Variants in PARD3 observed in about 807,000 individuals in gnomAD.
The protein encoded by PARD3 is par-3 family cell polarity regulator.
PARD3 carries 75 observed loss-of-function variants against 155.4 expected under a neutral mutation model. The ratio of observed to expected loss-of-function variants is 0.48; its 90% CI spans 0.40 to 0.58. The LOEUF is 0.58. Ranked by LOEUF, PARD3 falls within the 20% of genes least tolerant of loss-of-function variation. The pLI, the probability that PARD3 is intolerant of heterozygous loss-of-function variation, is 0.00. For synonymous variants in PARD3, 576 were observed against 610.5 expected (o/e 0.94, Z 0.83); for missense variants, 1,642 against 1,721.7 (o/e 0.95, Z 0.82).
chr10:34,222,876 A>G (rs890025916), intron 22 of PARD3, among the ~76,000 whole-genome samples: 7 of 151,980 alleles, frequency 4.6e-5, no homozygotes, highest in African/African-American at 1.4e-4. Context: ...CACTCAGGAC[A>G]CTCTCTGCTC....
At chr10:34,579,069 A>AGACCAGCCTG (rs1351975284) in intron 2 of PARD3, among the ~76,000 whole-genome samples, 1 of 152,164 alleles carries the variant, frequency 6.6e-6, no homozygotes, top group African/African-American at 2.4e-5. Flanking sequence ...CAGGAGTTCA[A>AGACCAGCCTG]GACCAGCCTG....
chr10:34,299,122 T>C (rs1477379095), intron 20 of PARD3, among the ~76,000 whole-genome samples: 1 of 152,190 alleles, frequency 6.6e-6, no homozygotes, highest in African/African-American at 2.4e-5. Flanking sequence ...ACTGATTTTG[T>C]CAGGATGGCA....
At chr10:34,339,850 C>T (rs544290768) in intron 16 of PARD3, among the ~76,000 whole-genome samples, 24 of 152,242 alleles carry the variant, frequency 1.6e-4, no homozygotes, top group East Asian at 7.7e-4. Flanking sequence ...ACACAATAAA[C>T]GGTACACTGG....
intron 5 of PARD3, among the ~76,000 whole-genome samples, chr10:34,408,540 T>C (rs973851214): frequency 1.3e-5 from 2 of 152,190 alleles, no homozygotes; most frequent in Non-Finnish European, 2.9e-5. Context: ...TTTCCAAGTC[T>C]CCTAGGTATC....
At chr10:34,267,217 T>C (rs1955363890) in intron 22 of PARD3, among the ~76,000 whole-genome samples, 1 of 152,168 alleles carries the variant, frequency 6.6e-6, no homozygotes, top group South Asian at 2.1e-4. Context: ...GGGACATTCA[T>C]GGCCTTCAAA....
chr10:34,553,145 T>A (rs887087334), intron 2 of PARD3, among the ~76,000 whole-genome samples: 2 of 152,132 alleles, frequency 1.3e-5, no homozygotes, highest in African/African-American at 2.4e-5. Flanking sequence ...CCACCAAGCC[T>A]GGGAAATAGT....
chr10:34,369,343 T>G (rs142571692), intron 12 of PARD3, among the ~76,000 whole-genome samples: 3,063 of 148,920 alleles, frequency 0.021, 97 homozygotes, highest in African/African-American at 0.073. Context: ...TTTATTTATT[T>G]ATTTATTGGC....
intron 1 of PARD3, among the ~76,000 whole-genome samples, chr10:34,779,649 C>T (rs1840020548): frequency 6.6e-6 from 1 of 152,132 alleles, no homozygotes; most frequent in Admixed American, 6.6e-5. Flanking sequence ...AGCAACTATG[C>T]AGATATCACC....
At chr10:34,687,979 T>C (rs533602928) in intron 2 of PARD3, among the ~76,000 whole-genome samples, 2 of 148,194 alleles carry the variant, frequency 1.3e-5, no homozygotes, top group East Asian at 4.1e-4. Flanking sequence ...CCTCAGCCTT[T>C]GAGTAGCTCA....
intron 20 of PARD3, among the ~76,000 whole-genome samples, chr10:34,304,081 C>T (rs184704559): frequency 2.0e-5 from 3 of 152,136 alleles, no homozygotes; most frequent in Non-Finnish European, 2.9e-5. Context: ...AAATCGTCCT[C>T]GTTTGTGTTC....
chr10:34,369,464 A>T (rs908742898), intron 12 of PARD3, among the ~76,000 whole-genome samples: 1 of 152,140 alleles, frequency 6.6e-6, no homozygotes, highest in Non-Finnish European at 1.5e-5. Flanking sequence ...TAAGTCATGG[A>T]CATTGTAAAG....
intron 22 of PARD3, among the ~76,000 whole-genome samples, chr10:34,241,098 G>A (rs1316003579): frequency 6.6e-6 from 1 of 152,228 alleles, no homozygotes; most frequent in African/African-American, 2.4e-5. Flanking sequence ...GGCAATGTGA[G>A]ATATGGATCT....
At chr10:34,398,199 G>T (rs1843526881) in intron 7 of PARD3, among the ~76,000 whole-genome samples, 1 of 152,086 alleles carries the variant, frequency 6.6e-6, no homozygotes, top group Non-Finnish European at 1.5e-5. Context: ...TTAGAACATT[G>T]CATGAACCAT....
At position 34,754,837 on chromosome 10, in the gene PARD3, T is replaced by C. The variant is rs148014381; in HGVS notation, c.121-58418A>G. Among the ~76,000 whole-genome samples, 435 of 152,304 alleles carry C rather than the reference T, an allele frequency of 2.9e-3. 1 individual carries two copies. Among genetic ancestry groups the C allele is most frequent in the African/African-American group, 9.7e-3 (405 of 41,558 alleles). ...CTTCCTCCTGTTAATAAACGACATT[T>C]ATGAGTAACTAATAACAGAAAGAGA... On this transcript the variant is annotated intron_variant, in intron 1 of 24. Coordinates refer to ENST00000374788, the MANE Select transcript of PARD3 (RefSeq NM_001184785.2).
chr10:34,295,262 G>T (rs906988922), intron 20 of PARD3, among the ~76,000 whole-genome samples: 2 of 152,176 alleles, frequency 1.3e-5, no homozygotes, highest in Admixed American at 6.5e-5. Context: ...GAGATGTGTT[G>T]TCTCATCTCC....
chr10:34,590,791 A>G (rs550892391), intron 2 of PARD3, among the ~76,000 whole-genome samples: 10 of 152,328 alleles, frequency 6.6e-5, no homozygotes, highest in African/African-American at 1.7e-4. Flanking sequence ...TAGGACTTCT[A>G]TGGAAATCCT....
chr10:34,413,964 TC>T (rs1477989595), intron 5 of PARD3, among the ~76,000 whole-genome samples: 4 of 152,210 alleles, frequency 2.6e-5, no homozygotes, highest in Non-Finnish European at 5.9e-5. Context: ...CGATCTCATT[TC>T]TTCTGACAGT....
At chr10:34,260,240 G>A (rs1208754196) in intron 22 of PARD3, among the ~76,000 whole-genome samples, 4 of 152,228 alleles carry the variant, frequency 2.6e-5, no homozygotes, top group African/African-American at 7.2e-5. Context: ...CTCCCAAAGT[G>A]TTGGGATTAC....
At chr10:34,394,991 C>T (rs1054653456) in intron 7 of PARD3, among the ~76,000 whole-genome samples, 3 of 150,784 alleles carry the variant, frequency 2.0e-5, no homozygotes, top group Non-Finnish European at 4.4e-5. Context: ...TTTGGCATAA[C>T]CTTCCTGAAA....
Sources: gnomAD v4.1 joint callset for allele counts (sites outside exome capture counted in the v4.1 genomes callset) on GRCh38, gnomAD v4.1.1 for gene constraint, MANE v1.5 for transcripts, NCBI Gene and HGNC (gene_info 2026-07-23, HGNC 2026-07-21) for gene names.